The following MAPK4 variants were observed in gnomAD, a reference collection of about 807,000 sequenced individuals.
MAPK4 encodes Erk3-related.
A neutral mutation model predicts 47.7 loss-of-function variants in MAPK4; 22 were observed. The ratio of observed to expected loss-of-function variants is 0.46; its 90% CI spans 0.33 to 0.66. The LOEUF is 0.66. MAPK4 is among the 30% of genes least tolerant of loss of function. The pLI is 0.02. For missense variants in MAPK4, 736 were observed against 831.7 expected, an observed-to-expected ratio of 0.88 and a Z score of 1.42; for synonymous variants, 390 against 365.7, an observed-to-expected ratio of 1.07 and a Z score of -0.76.
At chr18:50,687,739 G>C (rs1054303482) in intron 2 of MAPK4, among the ~76,000 whole-genome samples, 1 of 152,184 alleles carries the variant, frequency 6.6e-6, no homozygotes, top group Non-Finnish European at 1.5e-5. Context: ...AAACACTTGG[G>C]CAGGACAAGC....
At chr18:50,660,435 C>A (rs1255443667) in intron 1 of MAPK4, among the ~76,000 whole-genome samples, 1 of 152,184 alleles carries the variant, frequency 6.6e-6, no homozygotes, top group Admixed American at 6.5e-5. Flanking sequence ...ACCTAGGAAA[C>A]GTGGGCATCA....
intron 1 of MAPK4, among the ~76,000 whole-genome samples, chr18:50,582,073 C>T (rs1366154843): frequency 6.6e-6 from 1 of 152,158 alleles, no homozygotes; most frequent in Non-Finnish European, 1.5e-5. Flanking sequence ...GGGACCCATT[C>T]AGTGGGTCTG....
intron 1 of MAPK4, among the ~76,000 whole-genome samples, chr18:50,576,105 A>G (rs1420322356): frequency 6.7e-6 from 1 of 149,136 alleles, no homozygotes; most frequent in Non-Finnish European, 1.5e-5. Flanking sequence ...AACTCAAAGC[A>G]GAATTACCAT....
intron 1 of MAPK4, among the ~76,000 whole-genome samples, chr18:50,596,968 A>G (rs918750512): frequency 6.6e-6 from 1 of 152,248 alleles, no homozygotes; most frequent in African/African-American, 2.4e-5. Context: ...ACCTGTAGGT[A>G]GAATTTGCAC....
intron 1 of MAPK4, among the ~76,000 whole-genome samples, chr18:50,640,490 CTT>C (rs2042931121): frequency 6.6e-6 from 1 of 150,954 alleles, no homozygotes; most frequent in African/African-American, 2.4e-5. Context: ...TTTTGACAGT[CTT>C]GCTCTGTCAC....
intron 2 of MAPK4, among the ~76,000 whole-genome samples, chr18:50,668,799 A>G (rs1427775815): frequency 6.6e-6 from 1 of 152,216 alleles, no homozygotes; most frequent in African/African-American, 2.4e-5. Context: ...CAAAACTGGA[A>G]GGGAAGGAGA....
chr18:50,680,384 G>A (rs777280323), intron 2 of MAPK4, among the ~76,000 whole-genome samples: 5 of 151,952 alleles, frequency 3.3e-5, no homozygotes, highest in Non-Finnish European at 5.9e-5. Flanking sequence ...GAGCCACCGC[G>A]CCTGGCCTAA....
intron 2 of MAPK4, among the ~76,000 whole-genome samples, chr18:50,703,981 C>T (rs1476106650): frequency 6.6e-6 from 1 of 152,194 alleles, no homozygotes; most frequent in African/African-American, 2.4e-5. Flanking sequence ...CCCAGTGTTC[C>T]ACAGGGAGCT....
At chr18:50,597,002 A>T (rs930166720) in intron 1 of MAPK4, among the ~76,000 whole-genome samples, 4 of 152,206 alleles carry the variant, frequency 2.6e-5, no homozygotes, top group Non-Finnish European at 5.9e-5. Context: ...TCAATTTAAA[A>T]GCACAGATTT....
intron 1 of MAPK4, among the ~76,000 whole-genome samples, chr18:50,644,835 G>A (rs559855538): frequency 6.6e-6 from 1 of 152,266 alleles, no homozygotes; most frequent in Admixed American, 6.5e-5. Flanking sequence ...AACAGCAAGC[G>A]ACCTTGGAAC....
chr18:50,703,257 C>T (rs1309082072), intron 2 of MAPK4, among the ~76,000 whole-genome samples: 1 of 152,196 alleles, frequency 6.6e-6, no homozygotes, highest in African/African-American at 2.4e-5. Context: ...CTCAGTGCTA[C>T]TCATTCAGCA....
chr18:50,606,994 G>C (rs1482700278), intron 1 of MAPK4, among the ~76,000 whole-genome samples: 1 of 152,170 alleles, frequency 6.6e-6, no homozygotes, highest in Non-Finnish European at 1.5e-5. Context: ...CACATAGCGT[G>C]GTTAAGAAAT....
intron 1 of MAPK4, among the ~76,000 whole-genome samples, chr18:50,636,744 C>T (rs904235090): frequency 6.6e-6 from 1 of 152,192 alleles, no homozygotes; most frequent in East Asian, 1.9e-4. Context: ...TCTTCGTGTA[C>T]ATCCTTGATT....
chr18:50,596,628 A>T (rs966574510), intron 1 of MAPK4, among the ~76,000 whole-genome samples: 1 of 152,198 alleles, frequency 6.6e-6, no homozygotes, highest in Non-Finnish European at 1.5e-5. Flanking sequence ...AATAGCATCC[A>T]TTGGCCATAA....
At chr18:50,659,803 C>T (rs567084171) in intron 1 of MAPK4, among the ~76,000 whole-genome samples, 4 of 152,316 alleles carry the variant, frequency 2.6e-5, no homozygotes, top group South Asian at 2.1e-4. Flanking sequence ...CACGATTGAA[C>T]GAGTGACCTT....
chr18:50,605,088 C>G (rs555897644), intron 1 of MAPK4, among the ~76,000 whole-genome samples: 3 of 152,326 alleles, frequency 2.0e-5, no homozygotes, highest in African/African-American at 7.2e-5. Context: ...CACACATCAA[C>G]GCTTTGATGC....
At chr18:50,673,460 A>G (rs546935527) in intron 2 of MAPK4, among the ~76,000 whole-genome samples, 3 of 152,358 alleles carry the variant, frequency 2.0e-5, no homozygotes, top group Admixed American at 6.5e-5. Flanking sequence ...GAGTGGAGCT[A>G]GTGTGTTTCA....
intron 1 of MAPK4, among the ~76,000 whole-genome samples, chr18:50,618,532 G>A (rs1428575493): frequency 6.6e-6 from 1 of 152,098 alleles, no homozygotes; most frequent in Non-Finnish European, 1.5e-5. Context: ...GGTTCACCAA[G>A]ACCTTCAGGC....
At chr18:50,602,433 G>T (rs796113307) in intron 1 of MAPK4, among the ~76,000 whole-genome samples, 2 of 152,114 alleles carry the variant, frequency 1.3e-5, no homozygotes, top group Non-Finnish European at 2.9e-5. Flanking sequence ...GGCTATCTTT[G>T]TCTATCAGAA....
Sources: gnomAD v4.1 joint callset for allele counts (sites outside exome capture counted in the v4.1 genomes callset) on GRCh38, gnomAD v4.1.1 for gene constraint, MANE v1.5 for transcripts, NCBI Gene and HGNC (gene_info 2026-07-23, HGNC 2026-07-21) for gene names.